Variants in TRPM4 observed in about 807,000 individuals in gnomAD.
TRPM4 encodes calcium-activated non-selective cation channel 1.
In TRPM4, 124 loss-of-function variants were observed where a neutral mutation model predicts 135.6. The observed-to-expected ratio is 0.91, with a 90% CI of 0.79 to 1.06. TRPM4 has a LOEUF of 1.06. Ranked by LOEUF, TRPM4 falls within the 50% of genes least tolerant of loss-of-function variation. TRPM4 has a pLI of 0.00. For synonymous variants in TRPM4, 745 were observed against 705.6 expected, an observed-to-expected ratio of 1.06 and a Z score of -0.88; for missense variants, 1,658 against 1,671.4, an observed-to-expected ratio of 0.99 and a Z score of 0.14.
At position 49,196,796 on chromosome 19, in the gene TRPM4, T is replaced by C. The variant is rs1199889329; in HGVS notation, c.2567T>C (p.Leu856Pro). 1.3e-6 allele frequency: 2 copies of C among 1,581,898 alleles called. No homozygotes were observed. Among genetic ancestry groups the C allele is most frequent in the African/African-American group, 1.3e-5 (1 of 74,334 alleles). ...GGCCATGCCTCACTGAGCCAGCGCCTGCGCCTCTACCTCGCCGACAGCTGG... is the reference window on the plus strand; with the variant it reads ...GGCCATGCCTCACTGAGCCAGCGCCCGCGCCTCTACCTCGCCGACAGCTGG... ...GPGHASLSQR[L>P]RLYLADSWNQ... The change falls in exon 17 of 25, where the codon CTG becomes CCG. Residue 856 changes from leucine (L) to proline (P), a missense_variant. Coordinates refer to ENST00000252826, the MANE Select transcript of TRPM4 (RefSeq NM_017636.4).
intron 12 of TRPM4, among the ~76,000 whole-genome samples, 192 bp from the exon 13 acceptor site, chr19:49,188,449 A>AC (rs1968278229): frequency 6.6e-6 from 1 of 152,024 alleles, no homozygotes; most frequent in African/African-American, 2.4e-5. Context: ...TGGTCTCTGA[A>AC]CCACCTGACT....
intron 20 of TRPM4, among the ~76,000 whole-genome samples, chr19:49,203,003 A>G (rs901249611): frequency 6.1e-5 from 9 of 146,770 alleles, no homozygotes; most frequent in South Asian, 2.1e-4. Flanking sequence ...CCATTCTCCT[A>G]CCTCAGCCTC....
intron 12 of TRPM4, among the ~76,000 whole-genome samples, chr19:49,188,321 C>T (rs1399850757): frequency 6.6e-6 from 1 of 152,142 alleles, no homozygotes. Context: ...TCACTTCAGC[C>T]TCCCAACGTG....
chr19:49,177,016 G>A (rs541362977), intron 9 of TRPM4, among the ~76,000 whole-genome samples: 3 of 152,216 alleles, frequency 2.0e-5, no homozygotes, highest in African/African-American at 7.2e-5. Flanking sequence ...AGTTGTGCCC[G>A]GTCCCGGTGG....
chr19:49,203,448 G>A (rs1293876250), intron 20 of TRPM4, among the ~76,000 whole-genome samples: 6 of 152,298 alleles, frequency 3.9e-5, no homozygotes, highest in African/African-American at 1.2e-4. Context: ...CAGAGTGCTG[G>A]GATTACTGAC....
chr19:49,193,887 ATCCTCCTTCTCC>A lies in TRPM4; in HGVS notation c.2211-2545_2211-2534del, dbSNP rs1257575442. 3.0e-5 allele frequency among the ~76,000 whole-genome samples: 4 copies of A among 133,112 alleles called. No homozygotes were observed. In the East Asian group the frequency reaches 9.0e-4, roughly 30 times the overall value. 87.3% of individuals were successfully genotyped at this position (133,112 alleles called of 152,430 possible). Reference sequence around the variant, plus strand: ...TCTCCTCCTTGTCCTCCTCCTTGTCATCCTCCTTCTCCTCCTCCTCGTCATCCTCCTTCTCCT... The same window carrying A: ...TCTCCTCCTTGTCCTCCTCCTTGTCATCCTCCTCGTCATCCTCCTTCTCCT... On this transcript the variant is annotated intron_variant, in intron 16 of 24. Transcript: ENST00000252826.
At chr19:49,201,916 T>G (rs745681145) in intron 19 of TRPM4, 48 bp from the exon 20 acceptor site, 1 of 1,604,198 alleles carries the variant, frequency 6.2e-7, no homozygotes, top group Non-Finnish European at 8.5e-7. Context: ...CCTGTCTTTC[T>G]TAGGTCTCTG....
chr19:49,168,181 G>A (rs564706653), intron 4 of TRPM4, 79 bp from the exon 5 acceptor site: 17 of 1,539,774 alleles, frequency 1.1e-5, no homozygotes, highest in South Asian at 2.3e-5. Context: ...CTCCCCCGCC[G>A]CCCAGTGTGT....
chr19:49,176,121 G>C (rs941261471), intron 9 of TRPM4, among the ~76,000 whole-genome samples: 1 of 146,046 alleles, frequency 6.8e-6, no homozygotes, highest in African/African-American at 2.5e-5. Flanking sequence ...ACAGGGTTTC[G>C]CCATGTTGGC....
chr19:49,172,256 G>C, intron 9 of TRPM4, 148 bp downstream of exon 9: 1 of 690,414 alleles, frequency 1.4e-6, no homozygotes, highest in South Asian at 1.7e-5. Context: ...GCTTTGCATG[G>C]TGCTATTTGG....
At position 49,210,596 on chromosome 19, in the gene TRPM4, G is replaced by T. The variant is rs1969318321; in HGVS notation, c.3329-114G>T. 2 of 1,549,192 alleles carry T rather than the reference G, an allele frequency of 1.3e-6. No homozygotes were observed. Among genetic ancestry groups the T allele is most frequent in the Non-Finnish European group, 1.8e-6 (2 of 1,129,300 alleles). ...CGGGTGAGGGGCGGGGCATGTTCTC[G>T]AATCACCAGGGGCTGGGTCTGGGAT... On this transcript the variant is annotated intron_variant, in intron 21 of 24. Transcript: ENST00000252826. This position sits in a 1 kb window ranked among gnomAD's most constrained non-coding sequence, Gnocchi z 4.1.
chr19:49,210,415 G>C lies in TRPM4; in HGVS notation c.3328+10G>C. On this transcript the variant is annotated intron_variant, in intron 21 of 24. Coordinates refer to ENST00000252826, the MANE Select transcript of TRPM4 (RefSeq NM_017636.4). The surrounding 1 kb of genome is among the most constrained non-coding windows in gnomAD (Gnocchi z 4.1). ...GCCCTCGAGCATTTCCGTAAGAACA[G>C]AGCTTGGCTTAAAAAGGAGAAATAT... is the stretch of plus-strand genomic sequence containing the variant. The C allele has an allele frequency of 6.2e-7, 1 of 1,612,578 alleles. No homozygotes were observed. The highest frequency in any genetic ancestry group is 2.2e-5 in the East Asian group (1 of 44,888).
At chr19:49,160,305 C>A (rs1966913441) in intron 2 of TRPM4, among the ~76,000 whole-genome samples, 1 of 152,092 alleles carries the variant, frequency 6.6e-6, no homozygotes, top group Admixed American at 6.6e-5. Flanking sequence ...GCTTGGCTAA[C>A]ATGGTGCAAC....
intron 6 of TRPM4, among the ~76,000 whole-genome samples, chr19:49,169,816 C>T (rs143878719): frequency 6.6e-6 from 1 of 152,138 alleles, no homozygotes; most frequent in South Asian, 2.1e-4. Flanking sequence ...CCTCAGCCTC[C>T]CAAAGTGCTG....
At chr19:49,196,939 G>A (rs1402460448) in intron 17 of TRPM4, 65 bp downstream of exon 17, 25 of 1,469,684 alleles carry the variant, frequency 1.7e-5, no homozygotes, top group Non-Finnish European at 2.3e-5. Flanking sequence ...GCCCACTCCC[G>A]GGGTCTCCAC....
In TRPM4 at chr19:49,200,296, C is replaced by G. The variant is rs1345239054; in HGVS notation, c.2646-4C>G. ...GACCCTTGTGGCATCTCCCCACACC[C>G]CAGGCTGACCCCGGGTTTGTACCAC... On this transcript the variant is annotated splice_polypyrimidine_tract_variant and splice_region_variant and intron_variant, in intron 17 of 24. Coordinates refer to ENST00000252826, the MANE Select transcript of TRPM4 (RefSeq NM_017636.4). 1 of 1,613,962 alleles carries G rather than the reference C, an allele frequency of 6.2e-7. No individual in the cohort carries two copies. Among genetic ancestry groups the G allele is most frequent in the Non-Finnish European group, 8.5e-7 (1 of 1,180,022 alleles).
At chr19:49,167,466 G>A (rs111169065) in intron 3 of TRPM4, among the ~76,000 whole-genome samples, 2 of 26,318 alleles carry the variant, frequency 7.6e-5, no homozygotes, top group Non-Finnish European at 1.5e-4. Flanking sequence ...GGTCTCTGTC[G>A]CCATCTCTCT....
chr19:49,175,204 T>G (rs1967637994), intron 9 of TRPM4, among the ~76,000 whole-genome samples: 1 of 151,458 alleles, frequency 6.6e-6, no homozygotes, highest in African/African-American at 2.4e-5. Flanking sequence ...GCCTCCCAAG[T>G]AGCTGGGATT....
chr19:49,203,395 G>C (rs1440418163), intron 20 of TRPM4, among the ~76,000 whole-genome samples: 1 of 151,928 alleles, frequency 6.6e-6, no homozygotes, highest in East Asian at 1.9e-4. Flanking sequence ...TAGCCAGGAT[G>C]GTTTCGATCT....
Sources: allele counts gnomAD v4.1 joint callset (sites outside exome capture counted in the v4.1 genomes callset), GRCh38; gene constraint gnomAD v4.1.1; non-coding constraint Gnocchi (gnomAD v3.1); transcripts MANE v1.5; gene names NCBI Gene and HGNC (gene_info 2026-07-23, HGNC 2026-07-21).